Variants in SUPT7L observed in about 807,000 individuals in gnomAD.
The protein encoded by SUPT7L is STAGA complex 65 subunit gamma.
In SUPT7L, 15 loss-of-function variants were observed where a neutral mutation model predicts 35.7. That is an observed-to-expected ratio of 0.42 (90% confidence interval 0.28 to 0.65). The LOEUF (loss-of-function observed/expected upper bound fraction) is 0.65. Ranked by LOEUF, SUPT7L falls within the 30% of genes least tolerant of loss-of-function variation. SUPT7L has a pLI of 0.23. For missense variants in SUPT7L, 434 were observed against 522.2 expected (o/e 0.83, Z 1.65); for synonymous variants, 168 against 186.2 (o/e 0.90, Z 0.79).
At position 27,657,166 on chromosome 2, in the gene SUPT7L, C is replaced by G. The variant is rs1674843657; in HGVS notation, c.744+179G>C. Among the ~76,000 whole-genome samples the G allele has an allele frequency of 6.6e-6, 1 of 152,208 alleles. No individual in the cohort carries two copies. The highest frequency in any genetic ancestry group is 2.4e-5 in the African/African-American group (1 of 41,450). On this transcript the variant is annotated intron_variant, in intron 4 of 5. Transcript: ENST00000337768. This position sits in a 1 kb window ranked among gnomAD's most constrained non-coding sequence, Gnocchi z 5.2. ...ATCAGTGAATGTGGCCATTCACTGA[C>G]TAAAGGAGACCCATGGTATTTGGCC... is the stretch of plus-strand genomic sequence containing the variant.
Position 27,653,501 on chromosome 2 carries a change from CTCT to C in SUPT7L, c.1226_1228del (p.Lys409del), listed in dbSNP as rs1455946813. 2 of 1,613,866 alleles carry C rather than the reference CTCT, an allele frequency of 1.2e-6. No homozygotes were observed. Among genetic ancestry groups the C allele is most frequent in the South Asian group, 1.1e-5 (1 of 91,088 alleles). ...CTTTTCCTTTTATATTTTCCTCATC[CTCT>C]TCTTGCAGCGCTGGTTGAAAACAGG... On this transcript the variant is annotated inframe_deletion, in exon 6 of 6. Transcript: ENST00000337768.
intron 5 of SUPT7L, among the ~76,000 whole-genome samples, chr2:27,654,394 A>G (rs1192315427): frequency 6.6e-6 from 1 of 152,170 alleles, no homozygotes; most frequent in Non-Finnish European, 1.5e-5. Context: ...TTTAGACCAC[A>G]TTTGAGGATT....
At chr2:27,655,100 C>G (rs1285697107) in intron 5 of SUPT7L, among the ~76,000 whole-genome samples, 1 of 152,192 alleles carries the variant, frequency 6.6e-6, no homozygotes, top group Non-Finnish European at 1.5e-5. Flanking sequence ...CCTTGGTAAT[C>G]AACGTGACAA....
chr2:27,655,847 A>C (rs909773219), intron 4 of SUPT7L, among the ~76,000 whole-genome samples: 1 of 152,208 alleles, frequency 6.6e-6, no homozygotes, highest in Non-Finnish European at 1.5e-5. Context: ...AGGTAAAAAA[A>C]TGTGTTAGAA....
At chr2:27,643,824 CTGGTGA>C in the SUPT7L span, among the ~76,000 whole-genome samples, 2 of 152,294 alleles carry the variant, frequency 1.3e-5, no homozygotes, top group East Asian at 3.9e-4. The surrounding 1 kb of genome is among the most constrained non-coding windows in gnomAD (Gnocchi z 4.0). Flanking sequence ...TGTCCCATTA[CTGGTGA>C]TGTTAACTTT....
chr2:27,657,653 C>G lies in SUPT7L; in HGVS notation c.436G>C (p.Val146Leu), dbSNP rs573239193. 1 of 1,612,022 alleles carries G rather than the reference C, an allele frequency of 6.2e-7. No individual in the cohort carries two copies. Among genetic ancestry groups the G allele is most frequent in the East Asian group, 2.2e-5 (1 of 44,830 alleles). ...SDFYRGKGEP[V>L]TELSWHSCRQ... The stretch of plus-strand genomic sequence containing the variant: ...CAGGAGTGCCAGCTGAGTTCAGTCA[C>G]AGGTTCCCCTTTCCCACTGAAAGTG... The change falls in exon 4 of 6, where the codon GTG becomes CTG. Residue 146 changes from valine to leucine, a missense_variant. Physicochemically the swap from Val to Leu is conservative, Grantham distance 32 (BLOSUM62 1). Transcript: ENST00000337768. The surrounding 1 kb of genome is among the most constrained non-coding windows in gnomAD (Gnocchi z 5.2).
chr2:27,645,860 G>C (rs763947096), downstream of SUPT7L, among the ~76,000 whole-genome samples: 5 of 151,766 alleles, frequency 3.3e-5, no homozygotes, highest in Non-Finnish European at 7.4e-5. Context: ...CTCCCAAGTA[G>C]CTGGAACTAG....
At chr2:27,658,457 A>T (rs1674900158) in intron 3 of SUPT7L, among the ~76,000 whole-genome samples, 1 of 152,248 alleles carries the variant, frequency 6.6e-6, no homozygotes, top group African/African-American at 2.4e-5. Context: ...GAAAAAAATT[A>T]AGAAAGCTAT....
At position 27,660,993 on chromosome 2, in the gene SUPT7L, T is replaced by G. The variant is rs1251500803; in HGVS notation, c.410A>C (p.Asp137Ala). 6.2e-7 allele frequency: 1 copy of G among 1,612,770 alleles called. No individual in the cohort carries two copies. Among genetic ancestry groups the G allele is most frequent in the Admixed American group, 1.7e-5 (1 of 59,970 alleles). Residue 137 changes from aspartate to alanine, a missense_variant, in exon 3 of 6, where the codon GAC becomes GCC. Physicochemically the swap from Asp to Ala is moderately radical, Grantham distance 126 (BLOSUM62 -2). Transcript: ENST00000337768. ...FQIRHSDPES[D>A]FYRGKGEPVT... ...CAAAGCCTTGCCTTACCGATAAAAG[T>G]CACTCTCTGGGTCACTGTGCCGGAT...
chr2:27,645,168 A>C, the SUPT7L span, among the ~76,000 whole-genome samples: 5 of 152,086 alleles, frequency 3.3e-5, no homozygotes, highest in African/African-American at 1.2e-4. Context: ...ACGAGGTCTC[A>C]CCATGTTGCC....
In SUPT7L at chr2:27,657,251, T is replaced by C; in HGVS notation, c.744+94A>G. 1.5e-6 allele frequency: 2 copies of C among 1,351,334 alleles called. No individual in the cohort carries two copies. The highest frequency in any genetic ancestry group is 2.0e-6 in the Non-Finnish European group (2 of 984,188). 83.7% of individuals were successfully genotyped at this position (1,351,334 alleles called of 1,614,324 possible). On this transcript the variant is annotated intron_variant, in intron 4 of 5. Coordinates refer to ENST00000337768, the MANE Select transcript of SUPT7L (RefSeq NM_014860.3). The surrounding 1 kb of genome is among the most constrained non-coding windows in gnomAD (Gnocchi z 5.2). ...AAGTTCACTCTGTTCCAAGACTCTG[T>C]GCTCTGCACTCTAGACCAAGTGTTG...
At chr2:27,645,718 T>A in the SUPT7L span, among the ~76,000 whole-genome samples, 1 of 151,550 alleles carries the variant, frequency 6.6e-6, no homozygotes, top group East Asian at 1.9e-4. Flanking sequence ...TTTTTTTTTT[T>A]AAAACAAATC....
At chr2:27,662,119 A>C in intron 2 of SUPT7L, 60 bp downstream of exon 2, 1 of 1,613,572 alleles carries the variant, frequency 6.2e-7, no homozygotes, top group East Asian at 2.2e-5. Context: ...TGCCTATTGG[A>C]AAAAGTCAGA....
At chr2:27,661,670 A>G (rs1013383896) in intron 2 of SUPT7L, 2 of 1,270,376 alleles carry the variant, frequency 1.6e-6, no homozygotes, top group Non-Finnish European at 2.0e-6. Flanking sequence ...TTCCTACTAC[A>G]CTGAACCACA....
chr2:27,662,429 C>G (rs541753866), intron 1 of SUPT7L, 148 bp from the exon 2 acceptor site: 4 of 504,016 alleles, frequency 7.9e-6, no homozygotes, highest in Non-Finnish European at 1.4e-5. Flanking sequence ...CAACATTATA[C>G]TACTCAGTTT....
downstream of SUPT7L, chr2:27,647,773 T>C (rs1674309523): frequency 1.1e-5 from 10 of 912,722 alleles, no homozygotes; most frequent in Non-Finnish European, 5.4e-6. Flanking sequence ...TGATCATAGT[T>C]ACTTAGTGAT....
intron 2 of SUPT7L, chr2:27,661,651 C>G: frequency 1.5e-6 from 2 of 1,322,188 alleles, no homozygotes; most frequent in Non-Finnish European, 1.9e-6. Context: ...TATTGTCATA[C>G]TATGACAATT....
At chr2:27,644,965 GTTTA>G in the SUPT7L span, among the ~76,000 whole-genome samples, 1 of 151,824 alleles carries the variant, frequency 6.6e-6, no homozygotes, top group African/African-American at 2.4e-5. Flanking sequence ...TCACTGGACT[GTTTA>G]TTTATTTATT....
At chr2:27,642,956 TATACACACACACACACAC>T in the SUPT7L span, among the ~76,000 whole-genome samples, 5 of 85,830 alleles carry the variant, frequency 5.8e-5, no homozygotes, top group South Asian at 1.1e-3. Context: ...TATATATATA[TATACACACACACACACAC>T]ACACACACAC....
Sources: gnomAD v4.1 joint callset for allele counts (sites outside exome capture counted in the v4.1 genomes callset) on GRCh38, gnomAD v4.1.1 for gene constraint, Gnocchi (gnomAD v3.1) non-coding constraint, MANE v1.5 for transcripts, NCBI Gene and HGNC (gene_info 2026-07-23, HGNC 2026-07-21) for gene names.